Variants in BLTP3A observed in about 807,000 individuals in gnomAD.
The protein encoded by BLTP3A is bridge-like lipid transfer protein family member 3A.
chr6:34,823,429 T>C, the BLTP3A span: 1 of 1,193,064 alleles, frequency 8.4e-7, no homozygotes, highest in Non-Finnish European at 1.2e-6. Context: ...AAACTTTTTA[T>C]TATGGACATT....
the BLTP3A span, among the ~76,000 whole-genome samples, chr6:34,850,470 T>G: frequency 6.6e-6 from 1 of 152,200 alleles, no homozygotes; most frequent in African/African-American, 2.4e-5. Context: ...TTCTACCTCC[T>G]CCTTAAGGCC....
the BLTP3A span, among the ~76,000 whole-genome samples, chr6:34,832,906 A>T: frequency 6.6e-6 from 1 of 151,546 alleles, no homozygotes; most frequent in East Asian, 1.9e-4. Context: ...CCAAATATAT[A>T]TTTTTTTTCA....
At chr6:34,840,176 C>G in the BLTP3A span, among the ~76,000 whole-genome samples, 2 of 151,822 alleles carry the variant, frequency 1.3e-5, no homozygotes, top group Non-Finnish European at 2.9e-5. Context: ...CAATATGGTA[C>G]CAAAAAAAGA....
At chr6:34,829,839 A>G in the BLTP3A span, among the ~76,000 whole-genome samples, 2 of 145,458 alleles carry the variant, frequency 1.4e-5, no homozygotes, top group African/African-American at 5.1e-5. Context: ...GAGTCTCGCT[A>G]TGTCACCCAA....
chr6:34,810,576 C>A, the BLTP3A span, among the ~76,000 whole-genome samples: 1 of 152,190 alleles, frequency 6.6e-6, no homozygotes, highest in East Asian at 1.9e-4. Context: ...TTTACTGATA[C>A]TCCCACCTCA....
At chr6:34,855,088 T>C in the BLTP3A span, among the ~76,000 whole-genome samples, 22 of 152,236 alleles carry the variant, frequency 1.4e-4, no homozygotes, top group Non-Finnish European at 2.6e-4. Context: ...TATTTTATAA[T>C]GTCCTGTTTG....
the BLTP3A span, among the ~76,000 whole-genome samples, chr6:34,798,861 T>C: frequency 2.0e-5 from 3 of 152,186 alleles, no homozygotes; most frequent in African/African-American, 4.8e-5. Flanking sequence ...ATGACAATCA[T>C]GTACATTAAG....
At chr6:34,871,609 C>T in the BLTP3A span, 114 of 1,613,424 alleles carry the variant, frequency 7.1e-5, 2 homozygotes, top group East Asian at 2.4e-3. Flanking sequence ...ATCTATCCAA[C>T]ATCTCCAGGC....
At chr6:34,797,195 G>A in the BLTP3A span, among the ~76,000 whole-genome samples, 133 of 152,156 alleles carry the variant, frequency 8.7e-4, no homozygotes, top group South Asian at 3.5e-3. Context: ...ACAGAAACCC[G>A]GCTAGCTCTT....
At chr6:34,845,257 C>T in the BLTP3A span, among the ~76,000 whole-genome samples, 7 of 152,146 alleles carry the variant, frequency 4.6e-5, no homozygotes, top group East Asian at 1.4e-3. Flanking sequence ...GTTATAGCAC[C>T]GTAGTATAAT....
At chr6:34,802,565 T>G in the BLTP3A span, among the ~76,000 whole-genome samples, 2 of 152,170 alleles carry the variant, frequency 1.3e-5, no homozygotes, top group Non-Finnish European at 2.9e-5. Context: ...TTCACCATGT[T>G]GGCCAGGCTG....
At chr6:34,847,921 C>CTTTTTTTTTTTT in the BLTP3A span, among the ~76,000 whole-genome samples, 15 of 91,136 alleles carry the variant, frequency 1.6e-4, 1 homozygote, top group South Asian at 3.2e-4. Context: ...TCTTTTTTTC[C>CTTTTTTTTTTTT]TTTTTTTTTT....
the BLTP3A span, among the ~76,000 whole-genome samples, chr6:34,824,354 G>A: frequency 6.6e-6 from 1 of 151,842 alleles, no homozygotes; most frequent in Admixed American, 6.6e-5. Context: ...CTAACATGGT[G>A]AAACCCCGTT....
At chr6:34,810,224 G>A in the BLTP3A span, among the ~76,000 whole-genome samples, 315 of 152,296 alleles carry the variant, frequency 2.1e-3, 1 homozygote, top group African/African-American at 7.0e-3. Flanking sequence ...GGCACATTGT[G>A]TGGGTCCCAT....
the BLTP3A span, among the ~76,000 whole-genome samples, chr6:34,801,823 C>G: frequency 6.6e-6 from 1 of 152,146 alleles, no homozygotes; most frequent in African/African-American, 2.4e-5. Flanking sequence ...ACTGCAAGCT[C>G]CGCCTCCCGG....
the BLTP3A span, among the ~76,000 whole-genome samples, chr6:34,852,968 A>T: frequency 6.6e-6 from 1 of 152,198 alleles, no homozygotes; most frequent in Non-Finnish European, 1.5e-5. Flanking sequence ...GCAAAGTCCC[A>T]TAATTACTAT....
At chr6:34,817,939 C>T in the BLTP3A span, among the ~76,000 whole-genome samples, 4 of 151,772 alleles carry the variant, frequency 2.6e-5, no homozygotes, top group Non-Finnish European at 5.9e-5. Flanking sequence ...CTGCAAGCTC[C>T]GCCTCCCGGG....
the BLTP3A span, chr6:34,874,618 A>G: frequency 6.6e-6 from 1 of 152,232 alleles, no homozygotes; most frequent in Non-Finnish European, 1.5e-5. Context: ...TCAACATAAT[A>G]TAAGGAAATG....
chr6:34,823,025 C>T, the BLTP3A span, among the ~76,000 whole-genome samples: 1 of 152,110 alleles, frequency 6.6e-6, no homozygotes, highest in Non-Finnish European at 1.5e-5. Context: ...CCATCCCGTG[C>T]TTGTCATGAG....
Sources: allele counts gnomAD v4.1 joint callset (sites outside exome capture counted in the v4.1 genomes callset), GRCh38; gene constraint gnomAD v4.1.1; transcripts MANE v1.5; gene names NCBI Gene and HGNC (gene_info 2026-07-23, HGNC 2026-07-21).